NRXN1: variants seen among roughly 807,000 people sequenced by gnomAD.
NRXN1 encodes neurexin-1.
In NRXN1, 39 loss-of-function variants were observed where a neutral mutation model predicts 150.9. The ratio of observed to expected loss-of-function variants is 0.26; its 90% CI spans 0.20 to 0.34. NRXN1 has a LOEUF of 0.34. Ranked by LOEUF, NRXN1 falls within the 10% of genes least tolerant of loss-of-function variation. The pLI, the probability that NRXN1 is intolerant of heterozygous loss-of-function variation, is 1.00. For missense variants in NRXN1, 1,815 were observed against 1,949.9 expected (o/e 0.93, Z 1.30); for synonymous variants, 924 against 757.0 (o/e 1.22, Z -3.62).
chr2:50,288,229 G>A (rs2072452076), intron 17 of NRXN1, among the ~76,000 whole-genome samples: 1 of 152,030 alleles, frequency 6.6e-6, no homozygotes, highest in African/African-American at 2.4e-5. Context: ...AATTGGAGAA[G>A]ATTTTACTTC....
intron 5 of NRXN1, among the ~76,000 whole-genome samples, chr2:50,720,747 A>C (rs1330260316): frequency 6.6e-6 from 1 of 152,180 alleles, no homozygotes; most frequent in Non-Finnish European, 1.5e-5. Context: ...AAGTATTTTA[A>C]TACAAGATAA....
chr2:50,196,011 C>T (rs970635859), intron 18 of NRXN1, among the ~76,000 whole-genome samples: 5 of 151,704 alleles, frequency 3.3e-5, no homozygotes, highest in African/African-American at 1.2e-4. Context: ...ACAGGATGTG[C>T]AGGTTTGTTA....
chr2:49,957,811 G>T (rs1436379198), intron 21 of NRXN1, among the ~76,000 whole-genome samples: 1 of 152,138 alleles, frequency 6.6e-6, no homozygotes, highest in Non-Finnish European at 1.5e-5. Flanking sequence ...GCACTGTTCA[G>T]GAGGGACTTA....
chr2:51,027,404 T>G, intron 2 of NRXN1, 98 bp downstream of exon 2: 3 of 1,276,306 alleles, frequency 2.4e-6, no homozygotes, highest in Non-Finnish European at 3.1e-6. Flanking sequence ...CTGCCACACG[T>G]TTGCCAAGAT....
chr2:49,970,899 A>G (rs1677840024), intron 21 of NRXN1, among the ~76,000 whole-genome samples: 2 of 152,042 alleles, frequency 1.3e-5, no homozygotes, highest in African/African-American at 4.8e-5. Flanking sequence ...AGCAGGGAAA[A>G]TGGGAGGTAA....
Position 49,947,121 on chromosome 2 carries a change from GT to G in NRXN1, c.4129-3331del, listed in dbSNP as rs200728330. On this transcript the variant is annotated intron_variant, in intron 21 of 22. Coordinates refer to ENST00000401669, the MANE Select transcript of NRXN1 (RefSeq NM_001330078.2). ...CTCCAGAGGAGATAATCAGCTTTTT[GT>G]TTTTTTCCCCCCGGACCAACATCTA... Among the ~76,000 whole-genome samples the G allele has an allele frequency of 6.2e-3, 945 of 152,024 alleles. 7 individuals carry two copies. Among genetic ancestry groups the G allele is most frequent in the Admixed American group, 9.5e-3 (145 of 15,252 alleles).
intron 5 of NRXN1, among the ~76,000 whole-genome samples, chr2:50,821,976 C>T (rs1488814918): frequency 2.0e-5 from 3 of 152,110 alleles, no homozygotes; most frequent in South Asian, 4.1e-4. Context: ...GACGTATACT[C>T]ACAGGTAAGT....
At chr2:50,350,337 T>G (rs2078319328) in intron 17 of NRXN1, among the ~76,000 whole-genome samples, 1 of 152,180 alleles carries the variant, frequency 6.6e-6, no homozygotes, top group South Asian at 2.1e-4. Context: ...CCCTTTAGTA[T>G]TATGCTTGAG....
intron 17 of NRXN1, among the ~76,000 whole-genome samples, chr2:50,394,401 C>G (rs2081933240): frequency 6.6e-6 from 1 of 152,128 alleles, no homozygotes; most frequent in Non-Finnish European, 1.5e-5. Context: ...CCATTCGCAA[C>G]AAGTCTTCCG....
At chr2:50,163,186 AAAAC>A (rs2059469274) in intron 18 of NRXN1, among the ~76,000 whole-genome samples, 1 of 143,530 alleles carries the variant, frequency 7.0e-6, no homozygotes, top group African/African-American at 2.6e-5. Context: ...ATATATATAT[AAAAC>A]AATACTAAAT....
At chr2:50,356,897 C>T (rs1291882582) in intron 17 of NRXN1, among the ~76,000 whole-genome samples, 1 of 151,934 alleles carries the variant, frequency 6.6e-6, no homozygotes, top group African/African-American at 2.4e-5. Flanking sequence ...GCTTTAGGCA[C>T]CTAATCAAAG....
At chr2:50,074,141 G>A (rs916009151) in intron 19 of NRXN1, among the ~76,000 whole-genome samples, 1 of 151,978 alleles carries the variant, frequency 6.6e-6, no homozygotes, top group African/African-American at 2.4e-5. Flanking sequence ...TTTGATGACT[G>A]AGCTAAGGGA....
intron 10 of NRXN1, among the ~76,000 whole-genome samples, chr2:50,535,290 G>A (rs2093226218): frequency 1.3e-5 from 2 of 152,156 alleles, no homozygotes; most frequent in Non-Finnish European, 2.9e-5. Flanking sequence ...ACTTCCCACT[G>A]GGGGAGAAAA....
chr2:50,805,547 C>T (rs879086760), intron 5 of NRXN1, among the ~76,000 whole-genome samples: 7 of 151,808 alleles, frequency 4.6e-5, no homozygotes, highest in Non-Finnish European at 7.4e-5. Context: ...GGCTAAGTCA[C>T]GAGAACTGCT....
intron 16 of NRXN1, among the ~76,000 whole-genome samples, chr2:50,471,975 A>G (rs1461680502): frequency 1.3e-5 from 2 of 151,882 alleles, no homozygotes; most frequent in African/African-American, 2.4e-5. Context: ...TAAAGCAAGC[A>G]TCGTAGAACT....
chr2:50,178,103 G>T (rs2060463970), intron 18 of NRXN1, among the ~76,000 whole-genome samples: 2 of 152,182 alleles, frequency 1.3e-5, no homozygotes, highest in African/African-American at 4.8e-5. Context: ...GTGTGTTTCA[G>T]ATTAGGGTAG....
At chr2:50,236,262 G>A (rs528865077) in intron 18 of NRXN1, among the ~76,000 whole-genome samples, 1 of 152,032 alleles carries the variant, frequency 6.6e-6, no homozygotes, top group Non-Finnish European at 1.5e-5. Context: ...ATCAAAATGA[G>A]TACAAAATGG....
intron 17 of NRXN1, among the ~76,000 whole-genome samples, chr2:50,315,816 A>G (rs954645249): frequency 6.6e-6 from 1 of 152,166 alleles, no homozygotes; most frequent in Non-Finnish European, 1.5e-5. Context: ...AGTTGTATTC[A>G]GAGGTCAATT....
chr2:50,479,767 CTTTT>C (rs35301086), intron 15 of NRXN1, among the ~76,000 whole-genome samples: 1,570 of 79,788 alleles, frequency 0.02, 6 homozygotes, highest in African/African-American at 0.077. Context: ...ATTTCTTTTT[CTTTT>C]TTTTTTTTTT....
Sources: allele counts gnomAD v4.1 joint callset (sites outside exome capture counted in the v4.1 genomes callset), GRCh38; gene constraint gnomAD v4.1.1; transcripts MANE v1.5; gene names NCBI Gene and HGNC (gene_info 2026-07-23, HGNC 2026-07-21).